Variants in COMMD1 observed in about 807,000 individuals in gnomAD.
COMMD1 encodes COMM domain-containing protein 1.
COMMD1 carries 10 observed loss-of-function variants against 17.2 expected under a neutral mutation model. The ratio of observed to expected loss-of-function variants is 0.58; its 90% CI spans 0.36 to 0.99. The LOEUF (loss-of-function observed/expected upper bound fraction) is 0.99, where lower values mean the gene tolerates loss of function less well. Among genes scored for constraint, COMMD1 ranks in the 50% least tolerant of loss-of-function variants. The pLI is 0.01. For missense variants in COMMD1, 270 were observed against 231.8 expected (o/e 1.17, Z -1.07); for synonymous variants, 97 against 91.6 (o/e 1.06, Z -0.34).
chr2:62,059,389 C>G (rs1241412592), intron 2 of COMMD1, among the ~76,000 whole-genome samples: 1 of 152,044 alleles, frequency 6.6e-6, no homozygotes, highest in Non-Finnish European at 1.5e-5. Flanking sequence ...CTTCTGGACT[C>G]AAGCGATCCT....
chr2:62,022,523 T>G (rs1669639063), intron 2 of COMMD1, among the ~76,000 whole-genome samples: 1 of 142,136 alleles, frequency 7.0e-6, no homozygotes, highest in Non-Finnish European at 1.5e-5. Flanking sequence ...AAACAAATCA[T>G]AAGGGTAAAG....
chr2:62,112,606 C>T (rs2104048981), intron 2 of COMMD1, among the ~76,000 whole-genome samples: 2 of 152,302 alleles, frequency 1.3e-5, no homozygotes, highest in Middle Eastern at 3.4e-3. Context: ...TGTTTCATAC[C>T]TGACACAATG....
intron 1 of COMMD1, among the ~76,000 whole-genome samples, chr2:61,998,999 T>A (rs2103798955): frequency 6.6e-6 from 1 of 152,232 alleles, no homozygotes; most frequent in South Asian, 2.1e-4. Context: ...ATAACAGATA[T>A]AAATAATAGT....
intron 2 of COMMD1, among the ~76,000 whole-genome samples, chr2:62,049,129 G>C (rs1670467019): frequency 6.6e-6 from 1 of 151,582 alleles, no homozygotes; most frequent in East Asian, 1.9e-4. Flanking sequence ...CCAATACTAA[G>C]GATATGGTAT....
intron 1 of COMMD1, among the ~76,000 whole-genome samples, chr2:61,987,214 C>T (rs1010393937): frequency 6.6e-6 from 1 of 152,142 alleles, no homozygotes; most frequent in African/African-American, 2.4e-5. Context: ...TTTGGGAGCT[C>T]ACGTTTTCCT....
intron 1 of COMMD1, among the ~76,000 whole-genome samples, chr2:61,929,164 C>A (rs1367671859): frequency 1.3e-5 from 2 of 152,180 alleles, no homozygotes; most frequent in African/African-American, 4.8e-5. Flanking sequence ...ATAACTGTTT[C>A]CAGTTCAATA....
At chr2:62,012,076 C>A (rs553735179) in intron 2 of COMMD1, among the ~76,000 whole-genome samples, 3 of 151,876 alleles carry the variant, frequency 2.0e-5, no homozygotes, top group African/African-American at 7.3e-5. Context: ...GGTGAAACTC[C>A]GTCTCTACTA....
intron 2 of COMMD1, among the ~76,000 whole-genome samples, chr2:62,010,358 G>A (rs914533035): frequency 1.3e-4 from 19 of 151,288 alleles, no homozygotes; most frequent in Non-Finnish European, 1.8e-4. Flanking sequence ...ACATCTAAAT[G>A]TTGGTGTACC....
chr2:61,947,457 C>T (rs1335109957), intron 1 of COMMD1, among the ~76,000 whole-genome samples: 3 of 151,844 alleles, frequency 2.0e-5, no homozygotes, highest in Non-Finnish European at 1.5e-5. Flanking sequence ...CTGAGGTGGG[C>T]GGATCGCCTG....
At chr2:61,916,179 C>G (rs1670047640) in intron 1 of COMMD1, among the ~76,000 whole-genome samples, 1 of 151,936 alleles carries the variant, frequency 6.6e-6, no homozygotes, top group South Asian at 2.1e-4. Context: ...CCAGGCCGGT[C>G]TCAAACTCCT....
intron 2 of COMMD1, among the ~76,000 whole-genome samples, chr2:62,124,105 C>A (rs1199776857): frequency 6.6e-6 from 1 of 152,146 alleles, no homozygotes; most frequent in Non-Finnish European, 1.5e-5. Flanking sequence ...TGAGACCAGC[C>A]TGGCCAACAT....
chr2:61,993,108 A>C (rs1668636946), intron 1 of COMMD1, among the ~76,000 whole-genome samples: 1 of 152,198 alleles, frequency 6.6e-6, no homozygotes. Flanking sequence ...ATAGTCAGCC[A>C]TGGGATAACT....
intron 1 of COMMD1, among the ~76,000 whole-genome samples, chr2:61,958,907 G>C (rs1240455558): frequency 1.3e-5 from 2 of 152,094 alleles, no homozygotes; most frequent in African/African-American, 2.4e-5. Flanking sequence ...TACAGTTTTT[G>C]CATCTGTTGA....
At chr2:62,060,869 C>G (rs1352011614) in intron 2 of COMMD1, among the ~76,000 whole-genome samples, 1 of 152,064 alleles carries the variant, frequency 6.6e-6, no homozygotes, top group East Asian at 1.9e-4. Flanking sequence ...ATACTGCATC[C>G]CATATGTTTC....
chr2:61,924,918 C>T (rs1208657815), intron 1 of COMMD1, among the ~76,000 whole-genome samples: 1 of 152,178 alleles, frequency 6.6e-6, no homozygotes, highest in Non-Finnish European at 1.5e-5. Flanking sequence ...GAGGTAACTG[C>T]TGTATCAGGC....
chr2:61,966,200 A>T lies in COMMD1; in HGVS notation c.181-34501A>T, dbSNP rs557695783. 2.0e-5 allele frequency among the ~76,000 whole-genome samples: 3 copies of T among 152,160 alleles called. No individual in the cohort carries two copies. The East Asian group carries it at 5.8e-4, about 29-fold the overall frequency. On this transcript the variant is annotated intron_variant, in intron 1 of 2. Transcript: ENST00000311832. ...TTTTCCCATTTCCACCTATCGCCAGATTTGGGGCTTGGTTTACTGTTAAAC... is the reference window on the plus strand; with the variant it reads ...TTTTCCCATTTCCACCTATCGCCAGTTTTGGGGCTTGGTTTACTGTTAAAC...
intron 2 of COMMD1, among the ~76,000 whole-genome samples, chr2:62,031,428 C>T (rs1416990362): frequency 6.6e-6 from 1 of 152,038 alleles, no homozygotes; most frequent in Admixed American, 6.6e-5. Flanking sequence ...TTTTTCTATC[C>T]CATTAATTGG....
At chr2:61,918,809 GA>G (rs1216409007) in intron 1 of COMMD1, among the ~76,000 whole-genome samples, 2 of 151,746 alleles carry the variant, frequency 1.3e-5, no homozygotes, top group Admixed American at 6.6e-5. Context: ...GCAGAAATAT[GA>G]AAAAAAATCA....
intron 2 of COMMD1, among the ~76,000 whole-genome samples, chr2:62,063,899 T>TATATATATATATATATATATATATATA (rs1558583258): frequency 4.5e-5 from 2 of 44,198 alleles, no homozygotes; most frequent in South Asian, 5.9e-4. Context: ...ATATATATAT[T>TATATATATATATATATATATATATATA]AGCCAGGCAT....
Sources: gnomAD v4.1 joint callset for allele counts (sites outside exome capture counted in the v4.1 genomes callset) on GRCh38, gnomAD v4.1.1 for gene constraint, MANE v1.5 for transcripts, NCBI Gene and HGNC (gene_info 2026-07-23, HGNC 2026-07-21) for gene names.